DLEC1: variants seen among roughly 807,000 people sequenced by gnomAD.
DLEC1 encodes the protein deleted in lung and esophageal cancer protein 1.
In DLEC1, 146 loss-of-function variants were observed where a neutral mutation model predicts 198.1. The observed-to-expected ratio is 0.74, with a 90% CI of 0.64 to 0.85. The LOEUF (loss-of-function observed/expected upper bound fraction) is 0.85, where lower values mean the gene tolerates loss of function less well. DLEC1 is among the 40% of genes least tolerant of loss of function. DLEC1 has a pLI of 0.00. For synonymous variants in DLEC1, 897 were observed against 866.8 expected, an observed-to-expected ratio of 1.03 and a Z score of -0.61; for missense variants, 2,233 against 2,220.0, an observed-to-expected ratio of 1.01 and a Z score of -0.12.
Position 38,123,082 on chromosome 3 carries a change from C to G in DLEC1, c.*670C>G. The G allele has an allele frequency of 1.2e-6, 2 of 1,614,184 alleles. No individual in the cohort carries two copies. The highest frequency in any genetic ancestry group is 1.7e-6 in the Non-Finnish European group (2 of 1,180,048). ...GGGTATTCAAAGACGGCAGCGGCTC[C>G]CATTCCAGTCCCGATGCACATGGAC... is the stretch of plus-strand genomic sequence containing the variant. On this transcript the variant is annotated 3_prime_UTR_variant, in exon 37 of 37. Transcript: ENST00000308059.
chr3:38,093,473 C>T (rs1559439594), intron 11 of DLEC1, 132 bp from the exon 12 acceptor site: 1 of 1,061,062 alleles, frequency 9.4e-7, no homozygotes, highest in East Asian at 2.4e-5. Flanking sequence ...CCCCTTTTCC[C>T]TCCAGTGTGA....
At chr3:38,107,316 G>A (rs930842021) in intron 19 of DLEC1, among the ~76,000 whole-genome samples, 1 of 152,094 alleles carries the variant, frequency 6.6e-6, no homozygotes, top group Non-Finnish European at 1.5e-5. Context: ...TCTTACACCC[G>A]AGATTTCTAC....
chr3:38,090,333 A>G (rs1179157413), intron 10 of DLEC1, among the ~76,000 whole-genome samples: 1 of 152,242 alleles, frequency 6.6e-6, no homozygotes, highest in African/African-American at 2.4e-5. Flanking sequence ...GAGATAGTCT[A>G]TGCCCAAATA....
rs199688020 is a variant in DLEC1 at position 38,039,210 on chromosome 3, C to G, written c.-16C>G. The G allele has an allele frequency of 6.3e-7, 1 of 1,581,986 alleles. No homozygotes were observed. Among genetic ancestry groups the G allele is most frequent in the South Asian group, 1.2e-5 (1 of 86,554 alleles). The stretch of plus-strand genomic sequence containing the variant: ...AAGCCGAAGTGCCGCAGGGAGTTAG[C>G]GGCGTCTCGGTTGCCATGGAGACCA... On this transcript the variant is annotated 5_prime_UTR_variant, in exon 1 of 37. Transcript: ENST00000308059.
chr3:38,064,236 G>T (rs548482062), intron 6 of DLEC1, among the ~76,000 whole-genome samples: 13 of 151,946 alleles, frequency 8.6e-5, no homozygotes, highest in Admixed American at 4.6e-4. Context: ...CTGCCTTCAA[G>T]CATCTGTTTA....
chr3:38,075,762 G>T (rs1193459601), intron 6 of DLEC1, among the ~76,000 whole-genome samples: 3 of 152,070 alleles, frequency 2.0e-5, no homozygotes, highest in Non-Finnish European at 4.4e-5. Context: ...AGGGATTGGG[G>T]GTTCTTGCCC....
chr3:38,056,456 T>C (rs968513401), intron 2 of DLEC1, among the ~76,000 whole-genome samples: 5 of 152,108 alleles, frequency 3.3e-5, no homozygotes, highest in African/African-American at 1.2e-4. Flanking sequence ...ATTACAGGCA[T>C]GTGCCACGAG....
chr3:38,071,654 G>A (rs946973355), intron 6 of DLEC1, among the ~76,000 whole-genome samples: 7 of 152,196 alleles, frequency 4.6e-5, no homozygotes, highest in African/African-American at 9.6e-5. Context: ...CAGCATAAGC[G>A]TTGCTTAGAG....
chr3:38,084,869 A>C (rs1009291857), intron 7 of DLEC1, among the ~76,000 whole-genome samples: 3 of 151,822 alleles, frequency 2.0e-5, no homozygotes, highest in Non-Finnish European at 4.4e-5. Context: ...GGCCCTCTCT[A>C]TTCCTCACTT....
At chr3:38,074,617 T>A (rs1697505526) in intron 6 of DLEC1, among the ~76,000 whole-genome samples, 1 of 152,216 alleles carries the variant, frequency 6.6e-6, no homozygotes, top group Admixed American at 6.5e-5. Context: ...CTGGGGAATT[T>A]GTCTGGTAGT....
intron 2 of DLEC1, among the ~76,000 whole-genome samples, chr3:38,058,189 C>A (rs1696481045): frequency 6.6e-6 from 1 of 152,144 alleles, no homozygotes; most frequent in Non-Finnish European, 1.5e-5. Context: ...TCCAAAAGCT[C>A]TCCTGGTAAT....
In DLEC1 at chr3:38,113,140, G is replaced by A. The variant is rs565730573; in HGVS notation, c.3666+779G>A. On this transcript the variant is annotated intron_variant, in intron 25 of 36. Coordinates refer to ENST00000308059, the MANE Select transcript of DLEC1 (RefSeq NM_007335.4). Reference sequence around the variant, plus strand: ...CCAAGAAAGACAAATACAGACAGACGGCCAATAAACATATTAAAATCTGTC... The same window carrying A: ...CCAAGAAAGACAAATACAGACAGACAGCCAATAAACATATTAAAATCTGTC... Among the ~76,000 whole-genome samples the A allele has an allele frequency of 2.9e-3, 441 of 152,164 alleles. 2 individuals carry two copies. Among genetic ancestry groups the A allele is most frequent in the Non-Finnish European group, 5.0e-3 (342 of 68,006 alleles).
At position 38,039,238 on chromosome 3, in the gene DLEC1, A is replaced by G. The variant is rs763800487; in HGVS notation, c.13A>G (p.Ser5Gly). 3.2e-5 allele frequency: 51 copies of G among 1,605,270 alleles called. No homozygotes were observed. In the Admixed American group the frequency reaches 8.1e-4, roughly 25 times the overall value. Residue 5 changes from serine (S) to glycine (G), a missense_variant, in exon 1 of 37, where the codon AGC (serine) becomes GGC (glycine). By Grantham distance (56) the Ser-to-Gly change is moderately conservative. Transcript: ENST00000308059. ...CGTCTCGGTTGCCATGGAGACCAGG[A>G]GCTCCAAAACGCGGAGGTCTTTAGC... is the stretch of plus-strand genomic sequence containing the variant. METRSSKTRRSLASR... is the reference protein window; with the variant it reads METRGSKTRRSLASR...
At chr3:38,079,404 T>G (rs370182982) in intron 6 of DLEC1, among the ~76,000 whole-genome samples, 18 of 151,576 alleles carry the variant, frequency 1.2e-4, no homozygotes, top group South Asian at 2.1e-4. Context: ...CCCTTGAAAA[T>G]AAGGTAATGT....
Position 38,093,501 on chromosome 3 carries a change from T to G in DLEC1, c.1757-104T>G, listed in dbSNP as rs528991426. 67 of 1,388,532 alleles carry G rather than the reference T, an allele frequency of 4.8e-5. No individual in the cohort carries two copies. The East Asian group carries it at 1.3e-3, about 26-fold the overall frequency. 86.0% of individuals were successfully genotyped at this position (1,388,532 alleles called of 1,614,324 possible). On this transcript the variant is annotated intron_variant, in intron 11 of 36. Transcript: ENST00000308059. ...CAGTGTGAGCTTGCAGGAATCATGG[T>G]CAAGGCCAGCTGCATGTGGATGGCG...
At chr3:38,096,488 A>G in intron 14 of DLEC1, 81 bp from the exon 15 acceptor site, 1 of 1,499,452 alleles carries the variant, frequency 6.7e-7, no homozygotes, top group Admixed American at 2.2e-5. Context: ...TCACAAGGCC[A>G]AACGTGGGAC....
intron 6 of DLEC1, among the ~76,000 whole-genome samples, chr3:38,079,599 C>A (rs1697847519): frequency 6.6e-6 from 1 of 152,174 alleles, no homozygotes; most frequent in Admixed American, 6.5e-5. Context: ...GGCCAGAGTT[C>A]CAGGGGCTCT....
chr3:38,092,711 C>A, intron 10 of DLEC1, 79 bp from the exon 11 acceptor site: 1 of 1,281,180 alleles, frequency 7.8e-7, no homozygotes, highest in Non-Finnish European at 1.1e-6. Context: ...GGGTGTGTGT[C>A]CGAGAGGAGG....
At position 38,116,526 on chromosome 3, in the gene DLEC1, T is replaced by C. The variant is rs374527194; in HGVS notation, c.3930T>C (p.Tyr1310=). 5.0e-6 allele frequency: 8 copies of C among 1,613,988 alleles called. No homozygotes were observed. Among genetic ancestry groups the C allele is most frequent in the Admixed American group, 3.3e-5 (2 of 59,998 alleles). The change falls in exon 28 of 37, where the codon TAT becomes TAC. Residue 1310 remains tyrosine (Y), a synonymous_variant. Transcript: ENST00000308059. ...GGCTGGTGGAGCTGCTGGTGTTTTA[T>C]GGGCCACCTTTCCCGCTGCGGGACC... ...EDRLVELLVF[Y]GPPFPLRDQA...
Sources: allele counts gnomAD v4.1 joint callset (sites outside exome capture counted in the v4.1 genomes callset), GRCh38; gene constraint gnomAD v4.1.1; transcripts MANE v1.5; gene names NCBI Gene and HGNC (gene_info 2026-07-23, HGNC 2026-07-21).